The following MOSMO variants were observed in gnomAD, a reference collection of about 807,000 sequenced individuals.
MOSMO encodes modulator of smoothened.
A neutral mutation model predicts 18.4 loss-of-function variants in MOSMO; 5 were observed. The observed-to-expected ratio is 0.27, with a 90% CI of 0.14 to 0.57. MOSMO has a LOEUF of 0.57. Ranked by LOEUF, MOSMO falls within the 20% of genes least tolerant of loss-of-function variation. The probability of loss-of-function intolerance (pLI) is 0.92; values close to 1 mark genes in which losing one functional copy is unlikely to be tolerated. For missense variants in MOSMO, 138 were observed against 211.8 expected (o/e 0.65, Z 2.16); for synonymous variants, 82 against 82.3 (o/e 1.00, Z 0.02).
chr16:22,090,537 TA>T (rs1901284259), downstream of MOSMO, among the ~76,000 whole-genome samples: 1 of 152,198 alleles, frequency 6.6e-6, no homozygotes, highest in East Asian at 1.9e-4. Context: ...TACTTCAGGC[TA>T]CTGCTTCTCA....
intron 1 of MOSMO, among the ~76,000 whole-genome samples, chr16:22,020,627 T>A (rs866726557): frequency 6.6e-6 from 1 of 152,170 alleles, no homozygotes; most frequent in South Asian, 2.1e-4. Context: ...AAACTTAATT[T>A]GTAGGTTGTT....
rs1345600044 is a variant in MOSMO, at chr16:22,082,660, T to A, written c.*1780T>A. ...CAAAGATGGGAGCTACCTCCTCAGATATTCACACTATGAAATGGAGGTGCT... is the reference window on the plus strand; with the variant it reads ...CAAAGATGGGAGCTACCTCCTCAGAAATTCACACTATGAAATGGAGGTGCT... On this transcript the variant is annotated 3_prime_UTR_variant, in exon 3 of 3. Transcript: ENST00000542527. The A allele has an allele frequency of 6.6e-6, 1 of 152,218 alleles. No homozygotes were observed. Among genetic ancestry groups the A allele is most frequent in the Non-Finnish European group, 1.5e-5 (1 of 68,038 alleles). The allele number at this position is 152,218 out of a possible 1,614,324, so 9.4% of individuals were successfully genotyped here. A position where few individuals can be genotyped will look rare whatever the true frequency, so the allele number is the denominator to read the frequency against.
At chr16:22,027,635 A>G (rs1301806514) in intron 1 of MOSMO, among the ~76,000 whole-genome samples, 1 of 152,230 alleles carries the variant, frequency 6.6e-6, no homozygotes, top group Non-Finnish European at 1.5e-5. Flanking sequence ...ATAGGGACAG[A>G]AAATTTCTTA....
chr16:22,021,568 G>A (rs1899762934), intron 1 of MOSMO, among the ~76,000 whole-genome samples: 1 of 152,136 alleles, frequency 6.6e-6, no homozygotes, highest in South Asian at 2.1e-4. Flanking sequence ...AGGCCGAGAT[G>A]GGCAGATCGC....
At chr16:22,076,212 G>A (rs2141781165) in intron 2 of MOSMO, 1 of 159,818 alleles carries the variant, frequency 6.3e-6, no homozygotes, top group Non-Finnish European at 1.4e-5. Context: ...CTGCCCAAGG[G>A]TATAAGCTTA....
At chr16:22,015,597 A>G (rs1899620901) in intron 1 of MOSMO, among the ~76,000 whole-genome samples, 1 of 152,234 alleles carries the variant, frequency 6.6e-6, no homozygotes, top group Admixed American at 6.5e-5. Context: ...ATAATTATCA[A>G]TAAAAATTCA....
rs1901103736 is a variant in MOSMO, at chr16:22,082,649, A to G, written c.*1769A>G. On this transcript the variant is annotated 3_prime_UTR_variant, in exon 3 of 3. Transcript: ENST00000542527. ...AATGATTACTTCAAAGATGGGAGCT[A>G]CCTCCTCAGATATTCACACTATGAA... 1 of 152,064 alleles carries G rather than the reference A, an allele frequency of 6.6e-6. No individual in the cohort carries two copies. The highest frequency in any genetic ancestry group is 1.5e-5 in the Non-Finnish European group (1 of 68,024). 9.4% of individuals were successfully genotyped at this position (152,064 alleles called of 1,614,324 possible).
chr16:22,036,581 C>T (rs1479842862), intron 1 of MOSMO, among the ~76,000 whole-genome samples: 6 of 152,054 alleles, frequency 3.9e-5, no homozygotes, highest in Non-Finnish European at 8.8e-5. Context: ...ACGAGTAGCT[C>T]GGACTACAGG....
chr16:22,072,445 C>T (rs1900873118), intron 1 of MOSMO, among the ~76,000 whole-genome samples: 1 of 152,162 alleles, frequency 6.6e-6, no homozygotes, highest in African/African-American at 2.4e-5. Context: ...TCTATTTTTA[C>T]TGAATGTGTG....
chr16:22,059,643 C>T (rs796119858), intron 1 of MOSMO, among the ~76,000 whole-genome samples: 6 of 152,202 alleles, frequency 3.9e-5, no homozygotes, highest in African/African-American at 1.2e-4. Flanking sequence ...GGAGAATGAA[C>T]GCAGGAGGAA....
intron 1 of MOSMO, among the ~76,000 whole-genome samples, chr16:22,009,829 A>AAAAAAAG: frequency 6.8e-6 from 1 of 148,146 alleles, no homozygotes; most frequent in Non-Finnish European, 1.5e-5. Context: ...AAAAAAAAAA[A>AAAAAAAG]AAAAAAAAGA....
In MOSMO at chr16:22,034,783, G is replaced by A. The variant is rs546744971; in HGVS notation, c.106+26376G>A. Among the ~76,000 whole-genome samples the A allele has an allele frequency of 2.0e-4, 26 of 128,918 alleles. No individual in the cohort carries two copies. The South Asian group carries it at 4.6e-3, about 23-fold the overall frequency. 84.6% of individuals were successfully genotyped at this position (128,918 alleles called of 152,430 possible). A position where few individuals can be genotyped will look rare whatever the true frequency, so the allele number is the denominator to read the frequency against. ...TTTTTTTTTTTTTTTTTAAAGACAG[G>A]GTCTCACTCTGTTGCCCAGGGCGGA... On this transcript the variant is annotated intron_variant, in intron 1 of 2. Transcript: ENST00000542527.
chr16:22,063,698 G>A (rs1900696104), intron 1 of MOSMO, among the ~76,000 whole-genome samples: 1 of 152,112 alleles, frequency 6.6e-6, no homozygotes, highest in Non-Finnish European at 1.5e-5. Flanking sequence ...ATTTTATAAG[G>A]AACAAAACCC....
rs140043158 is a variant in MOSMO at position 22,080,528 on chromosome 16, C to T, written c.320-168C>T. On this transcript the variant is annotated intron_variant, in intron 2 of 2. Coordinates refer to ENST00000542527, the MANE Select transcript of MOSMO (RefSeq NM_001164579.2). ...ACCTAGCTTTTACTGTATTGTTAGGCTTCAGGGATACTATGTGACCTGAAA... is the reference window on the plus strand; with the variant it reads ...ACCTAGCTTTTACTGTATTGTTAGGTTTCAGGGATACTATGTGACCTGAAA... Among the ~76,000 whole-genome samples, 528 of 152,296 alleles carry T rather than the reference C, an allele frequency of 3.5e-3. 2 individuals are homozygous for T. Among genetic ancestry groups the T allele is most frequent in the Admixed American group, 6.9e-3 (105 of 15,294 alleles).
chr16:22,055,809 T>C (rs2141752793), intron 1 of MOSMO, among the ~76,000 whole-genome samples: 1 of 152,238 alleles, frequency 6.6e-6, no homozygotes, highest in East Asian at 1.9e-4. Context: ...TAATGGAAAG[T>C]GGATCAGTAG....
intron 1 of MOSMO, among the ~76,000 whole-genome samples, chr16:22,020,582 A>G (rs1899739629): frequency 6.6e-6 from 1 of 152,074 alleles, no homozygotes; most frequent in Non-Finnish European, 1.5e-5. Context: ...GGCGTGAGCC[A>G]CCGCGCCCAG....
chr16:22,065,051 G>T (rs1182037622), intron 1 of MOSMO, among the ~76,000 whole-genome samples: 1 of 152,194 alleles, frequency 6.6e-6, no homozygotes, highest in Non-Finnish European at 1.5e-5. Flanking sequence ...CAATAAAGCA[G>T]ATTTTAAACT....
At position 22,058,287 on chromosome 16, in the gene MOSMO, G is replaced by A. The variant is rs944056297; in HGVS notation, c.107-17200G>A. On this transcript the variant is annotated intron_variant, in intron 1 of 2. Coordinates refer to ENST00000542527, the MANE Select transcript of MOSMO (RefSeq NM_001164579.2). Reference sequence around the variant, plus strand: ...CTAAAAATACAAAAATTAGCCGGGCGTGATGGCGTGCTCCTGTAATCCCAG... The same window carrying A: ...CTAAAAATACAAAAATTAGCCGGGCATGATGGCGTGCTCCTGTAATCCCAG... 3.3e-5 allele frequency among the ~76,000 whole-genome samples: 5 copies of A among 152,150 alleles called. No individual in the cohort carries two copies. The South Asian group carries it at 6.2e-4, about 19-fold the overall frequency.
At chr16:22,035,966 TA>T (rs1380814244) in intron 1 of MOSMO, among the ~76,000 whole-genome samples, 1 of 152,188 alleles carries the variant, frequency 6.6e-6, no homozygotes, top group Admixed American at 6.5e-5. Context: ...TTAATTTTTA[TA>T]TATTGGTCTT....
Sources: gnomAD v4.1 joint callset for allele counts (sites outside exome capture counted in the v4.1 genomes callset) on GRCh38, gnomAD v4.1.1 for gene constraint, MANE v1.5 for transcripts, NCBI Gene and HGNC (gene_info 2026-07-23, HGNC 2026-07-21) for gene names.